Variants in FSTL5 observed in about 807,000 individuals in gnomAD.
The protein encoded by FSTL5 is follistatin-related protein 5.
A neutral mutation model predicts 89.1 loss-of-function variants in FSTL5; 62 were observed. That is an observed-to-expected ratio of 0.70 (90% CI 0.57 to 0.86). The LOEUF (loss-of-function observed/expected upper bound fraction) is 0.86. FSTL5 is among the 40% of genes least tolerant of loss of function. The pLI is 0.00. For synonymous variants in FSTL5, 383 were observed against 346.2 expected, an observed-to-expected ratio of 1.11 and a Z score of -1.18; for missense variants, 1,057 against 1,001.6, an observed-to-expected ratio of 1.06 and a Z score of -0.75.
intron 4 of FSTL5, among the ~76,000 whole-genome samples, chr4:161,906,593 G>T (rs956060000): frequency 6.6e-6 from 1 of 152,062 alleles, no homozygotes; most frequent in African/African-American, 2.4e-5. Flanking sequence ...TCTCAAAGAC[G>T]GATGAAATGG....
chr4:161,845,541 A>T (rs1731340390), intron 4 of FSTL5, among the ~76,000 whole-genome samples: 1 of 152,242 alleles, frequency 6.6e-6, no homozygotes, highest in Non-Finnish European at 1.5e-5. Context: ...CTTCAAAGGC[A>T]GCATATTTAT....
intron 7 of FSTL5, among the ~76,000 whole-genome samples, chr4:161,606,557 T>C (rs767253824): frequency 3.3e-5 from 5 of 152,144 alleles, no homozygotes; most frequent in Non-Finnish European, 5.9e-5. Context: ...ATGTGTCATG[T>C]ATGTAGCAAA....
At chr4:162,153,115 A>T (rs1336414604) in intron 1 of FSTL5, among the ~76,000 whole-genome samples, 1 of 152,172 alleles carries the variant, frequency 6.6e-6, no homozygotes, top group East Asian at 1.9e-4. Flanking sequence ...TTTTGTGAGT[A>T]GATGTTCAGT....
intron 3 of FSTL5, among the ~76,000 whole-genome samples, chr4:162,006,924 T>C (rs1371053605): frequency 1.3e-5 from 2 of 151,896 alleles, no homozygotes; most frequent in Non-Finnish European, 2.9e-5. Flanking sequence ...AAAATATTAT[T>C]TTGTTAAGTT....
intron 1 of FSTL5, among the ~76,000 whole-genome samples, chr4:162,112,783 A>T (rs994818527): frequency 4.5e-5 from 6 of 133,096 alleles, no homozygotes; most frequent in African/African-American, 1.8e-4. Context: ...AATCACACAC[A>T]CACACACACA....
At chr4:161,398,029 A>G (rs1005996084) in intron 15 of FSTL5, among the ~76,000 whole-genome samples, 2 of 152,062 alleles carry the variant, frequency 1.3e-5, no homozygotes, top group Admixed American at 6.5e-5. Context: ...GGAAGTGAAC[A>G]AATATAATCT....
chr4:162,075,591 C>G (rs1358327234), intron 2 of FSTL5, among the ~76,000 whole-genome samples: 1 of 151,844 alleles, frequency 6.6e-6, no homozygotes, highest in African/African-American at 2.4e-5. Flanking sequence ...AGGATTTACA[C>G]TACTTGCACA....
chr4:161,723,371 A>T (rs1278646473), intron 6 of FSTL5, among the ~76,000 whole-genome samples: 1 of 152,196 alleles, frequency 6.6e-6, no homozygotes, highest in East Asian at 1.9e-4. Context: ...TCAGTGGACA[A>T]CTTAGGCTTT....
At chr4:161,846,505 A>G (rs571899736) in intron 4 of FSTL5, among the ~76,000 whole-genome samples, 27 of 152,276 alleles carry the variant, frequency 1.8e-4, no homozygotes, top group African/African-American at 6.3e-4. Context: ...ACTATTTAAA[A>G]TGCTATATGT....
intron 3 of FSTL5, among the ~76,000 whole-genome samples, chr4:161,972,126 C>G (rs1485163919): frequency 6.6e-6 from 1 of 152,106 alleles, no homozygotes; most frequent in African/African-American, 2.4e-5. Context: ...GAGTTTCGCT[C>G]TTGTCTCCCA....
intron 5 of FSTL5, among the ~76,000 whole-genome samples, chr4:161,764,994 C>T (rs1412097631): frequency 6.6e-6 from 1 of 152,162 alleles, no homozygotes; most frequent in East Asian, 1.9e-4. Context: ...CATATAACAA[C>T]AGTTACAGGC....
chr4:161,399,059 G>T (rs1731096223), intron 15 of FSTL5, among the ~76,000 whole-genome samples: 2 of 152,120 alleles, frequency 1.3e-5, no homozygotes, highest in Admixed American at 6.5e-5. Context: ...AATACTGTAT[G>T]AATGGTATAA....
chr4:161,500,708 C>G (rs1381441940), intron 11 of FSTL5, among the ~76,000 whole-genome samples: 2 of 152,114 alleles, frequency 1.3e-5, no homozygotes, highest in Non-Finnish European at 2.9e-5. Flanking sequence ...AAGTCTATTT[C>G]TATACCTCAA....
intron 10 of FSTL5, among the ~76,000 whole-genome samples, chr4:161,511,565 T>C (rs1362122654): frequency 1.3e-5 from 2 of 152,120 alleles, no homozygotes; most frequent in Non-Finnish European, 2.9e-5. Context: ...GTTCTGAACA[T>C]GTAATGTACA....
In FSTL5 at chr4:161,948,517, C is replaced by T. The variant is rs560099840; in HGVS notation, c.161-27865G>A. Among the ~76,000 whole-genome samples the T allele has an allele frequency of 1.1e-4, 13 of 115,634 alleles. No homozygotes were observed. The East Asian group carries it at 1.8e-3, about 16-fold the overall frequency. The allele number at this position is 115,634 out of a possible 152,430, so 75.9% of individuals were successfully genotyped here. A position where few individuals can be genotyped will look rare whatever the true frequency, so the allele number is the denominator to read the frequency against. On this transcript the variant is annotated intron_variant, in intron 3 of 15. Coordinates refer to ENST00000306100, the MANE Select transcript of FSTL5 (RefSeq NM_020116.5). Reference sequence around the variant, plus strand: ...TTTTTTTTTTTTGGAGACAGAGTCTCACTTTGTCACCCAGGCTGGAATGCA... The same window carrying T: ...TTTTTTTTTTTTGGAGACAGAGTCTTACTTTGTCACCCAGGCTGGAATGCA...
intron 1 of FSTL5, among the ~76,000 whole-genome samples, chr4:162,111,841 G>A (rs896030748): frequency 2.0e-5 from 3 of 151,922 alleles, no homozygotes; most frequent in African/African-American, 7.2e-5. Flanking sequence ...ATAATTCACT[G>A]GTAAATATTG....
chr4:162,143,783 AAT>A (rs1732851140), intron 1 of FSTL5, among the ~76,000 whole-genome samples: 2 of 49,914 alleles, frequency 4.0e-5, no homozygotes, highest in East Asian at 5.8e-4. Context: ...TCTGACTTTA[AAT>A]ACACACACAC....
At chr4:162,088,519 C>G (rs1038190927) in intron 2 of FSTL5, among the ~76,000 whole-genome samples, 3 of 151,968 alleles carry the variant, frequency 2.0e-5, no homozygotes, top group Non-Finnish European at 2.9e-5. Flanking sequence ...TTACTATAAG[C>G]TGACTATTTT....
intron 2 of FSTL5, among the ~76,000 whole-genome samples, chr4:162,033,980 T>G (rs913844386): frequency 1.3e-5 from 2 of 152,026 alleles, no homozygotes; most frequent in Non-Finnish European, 2.9e-5. Context: ...TTTTTTATTT[T>G]TTGTAGAGAC....
Sources: allele counts gnomAD v4.1 joint callset (sites outside exome capture counted in the v4.1 genomes callset), GRCh38; gene constraint gnomAD v4.1.1; transcripts MANE v1.5; gene names NCBI Gene and HGNC (gene_info 2026-07-23, HGNC 2026-07-21).